The following CDH12 variants were observed in gnomAD, a reference collection of about 807,000 sequenced individuals.
CDH12 encodes the protein cadherin 12, also known as cadherin-12.
CDH12 carries 41 observed loss-of-function variants against 74.1 expected under a neutral mutation model. The observed-to-expected ratio is 0.55, with a 90% confidence interval of 0.43 to 0.72. The LOEUF is 0.72. Among genes scored for constraint, CDH12 ranks in the 30% least tolerant of loss-of-function variants. The pLI is 0.00. For synonymous variants in CDH12, 399 were observed against 355.0 expected (o/e 1.12, Z -1.39); for missense variants, 945 against 977.2 (o/e 0.97, Z 0.44).
chr5:22,279,623 G>A (rs375437850), intron 3 of CDH12, among the ~76,000 whole-genome samples: 26 of 152,070 alleles, frequency 1.7e-4, no homozygotes, highest in South Asian at 1.0e-3. Context: ...GAGAACATGC[G>A]CTGTTTGGGT....
In CDH12 at chr5:22,078,473, C is replaced by T. The variant is rs2150225344; in HGVS notation, c.204G>A (p.Val68=). ...TTCCCACATACTGAGGCTCGGAGCC[C>T]ACGTATTCTTCCAGCACAAAAAATT... ...WNQFFVLEEY[V]GSEPQYVGKL... is the part of the protein sequence containing the mutation. Residue 68 remains valine, a synonymous_variant, in exon 5 of 15, where the codon GTG becomes GTA. Transcript: ENST00000382254. 1 of 1,613,772 alleles carries T rather than the reference C, an allele frequency of 6.2e-7. No homozygotes were observed. Among genetic ancestry groups the T allele is most frequent in the South Asian group, 1.1e-5 (1 of 91,080 alleles).
chr5:21,889,188 G>A (rs975487072), intron 6 of CDH12, among the ~76,000 whole-genome samples: 1 of 151,144 alleles, frequency 6.6e-6, no homozygotes, highest in African/African-American at 2.4e-5. Context: ...AATGAGAAAA[G>A]TGATGCCAGC....
chr5:21,883,076 G>T (rs1456232987), intron 6 of CDH12: 9 of 1,609,352 alleles, frequency 5.6e-6, no homozygotes, highest in Non-Finnish European at 6.8e-6. Flanking sequence ...CTAAACCTGT[G>T]ACCACCCCTG....
At chr5:22,533,573 A>G (rs2126707640) in intron 1 of CDH12, among the ~76,000 whole-genome samples, 1 of 152,296 alleles carries the variant, frequency 6.6e-6, no homozygotes, top group South Asian at 2.1e-4. Flanking sequence ...TTCCTAGGTA[A>G]GTAATTAATT....
At chr5:22,503,343 C>T (rs1375583832) in intron 2 of CDH12, among the ~76,000 whole-genome samples, 1 of 151,990 alleles carries the variant, frequency 6.6e-6, no homozygotes, top group East Asian at 1.9e-4. Context: ...CATAAACAGG[C>T]TCCACAGCAT....
intron 1 of CDH12, among the ~76,000 whole-genome samples, chr5:22,658,949 A>T (rs1354498649): frequency 2.0e-5 from 3 of 152,176 alleles, no homozygotes; most frequent in Admixed American, 6.5e-5. Flanking sequence ...AGAGTTCAAC[A>T]GTACAAATTT....
At chr5:21,898,169 T>C (rs1753210994) in intron 6 of CDH12, among the ~76,000 whole-genome samples, 1 of 152,144 alleles carries the variant, frequency 6.6e-6, no homozygotes. Context: ...GAAAAATCTA[T>C]ATGTAGGGCC....
chr5:22,582,901 T>C (rs936799931), intron 1 of CDH12, among the ~76,000 whole-genome samples: 7 of 152,116 alleles, frequency 4.6e-5, no homozygotes, highest in African/African-American at 1.4e-4. Context: ...GCCAGCACTA[T>C]AGGGGGATTG....
intron 1 of CDH12, among the ~76,000 whole-genome samples, chr5:22,778,515 TCAA>T (rs1747221429): frequency 6.6e-6 from 1 of 152,150 alleles, no homozygotes; most frequent in Non-Finnish European, 1.5e-5. Context: ...CATTCCTCCC[TCAA>T]CAAACTATGA....
intron 8 of CDH12, among the ~76,000 whole-genome samples, chr5:21,836,521 A>G (rs1418975738): frequency 8.0e-5 from 12 of 150,300 alleles, no homozygotes; most frequent in Admixed American, 6.7e-4. Flanking sequence ...TCTATAATGG[A>G]AAACTCTCTT....
chr5:21,916,987 C>T (rs1166799217), intron 6 of CDH12, among the ~76,000 whole-genome samples: 4 of 152,162 alleles, frequency 2.6e-5, no homozygotes, highest in Non-Finnish European at 5.9e-5. Flanking sequence ...GGCTCTTAGG[C>T]AGTGGCAGTG....
At chr5:22,456,135 A>G (rs1346283502) in intron 2 of CDH12, among the ~76,000 whole-genome samples, 1 of 142,302 alleles carries the variant, frequency 7.0e-6, no homozygotes, top group South Asian at 2.3e-4. Context: ...ATATATATAT[A>G]AAACGATCTC....
chr5:21,975,449 A>C (rs1757029818), intron 5 of CDH12, 64 bp from the exon 6 acceptor site: 1 of 1,158,240 alleles, frequency 8.6e-7, no homozygotes, highest in Non-Finnish European at 1.2e-6. Flanking sequence ...AACACCATTA[A>C]AAGGATGTGC....
intron 1 of CDH12, among the ~76,000 whole-genome samples, chr5:22,698,296 A>G (rs759816490): frequency 4.6e-5 from 7 of 150,764 alleles, no homozygotes; most frequent in African/African-American, 7.3e-5. Flanking sequence ...TAATTTTTGT[A>G]ATTTTAGTAG....
At position 22,384,959 on chromosome 5, in the gene CDH12, A is replaced by G. The variant is rs184610317; in HGVS notation, c.-333+20298T>C. On this transcript the variant is annotated intron_variant, in intron 3 of 14. Transcript: ENST00000382254. Reference sequence around the variant, plus strand: ...TTGTCATTGTTTCTACAAATTGTTTATGATTTGTTACAAAATAAAAATTAT... The same window carrying G: ...TTGTCATTGTTTCTACAAATTGTTTGTGATTTGTTACAAAATAAAAATTAT... 2.0e-3 allele frequency among the ~76,000 whole-genome samples: 308 copies of G among 152,308 alleles called. 1 individual carries two copies. Among genetic ancestry groups the G allele is most frequent in the Middle Eastern group, 6.8e-3 (2 of 294 alleles).
intron 4 of CDH12, among the ~76,000 whole-genome samples, chr5:22,081,025 T>G (rs2150228209): frequency 6.6e-6 from 1 of 152,216 alleles, no homozygotes; most frequent in African/African-American, 2.4e-5. Context: ...ATGATCCACC[T>G]GCCTCAGCCT....
At chr5:21,833,149 A>G (rs796214353) in intron 8 of CDH12, among the ~76,000 whole-genome samples, 72 of 49,584 alleles carry the variant, frequency 1.5e-3, no homozygotes, top group Admixed American at 4.1e-3. Flanking sequence ...TATATTATAT[A>G]ACATATAATA....
chr5:22,217,998 AT>A (rs2150367111), intron 3 of CDH12, among the ~76,000 whole-genome samples: 1 of 151,736 alleles, frequency 6.6e-6, no homozygotes, highest in South Asian at 2.1e-4. Flanking sequence ...ATTCATAACT[AT>A]TTAACTATAT....
intron 3 of CDH12, among the ~76,000 whole-genome samples, chr5:22,217,588 A>G (rs914691959): frequency 3.3e-5 from 5 of 151,726 alleles, no homozygotes; most frequent in Non-Finnish European, 5.9e-5. Flanking sequence ...AGGTATGACT[A>G]TGAAGTTCAA....
Sources: gnomAD v4.1 joint callset for allele counts (sites outside exome capture counted in the v4.1 genomes callset) on GRCh38, gnomAD v4.1.1 for gene constraint, MANE v1.5 for transcripts, NCBI Gene and HGNC (gene_info 2026-07-23, HGNC 2026-07-21) for gene names.